Variants in CNTNAP2 observed in about 807,000 individuals in gnomAD.
The protein encoded by CNTNAP2 is contactin-associated protein-like 2.
CNTNAP2 carries 98 observed loss-of-function variants against 155.2 expected under a neutral mutation model. The observed-to-expected ratio is 0.63, with a 90% CI of 0.54 to 0.75. The LOEUF (loss-of-function observed/expected upper bound fraction) is 0.75. Among genes scored for constraint, CNTNAP2 ranks in the 30% least tolerant of loss-of-function variants. The probability of loss-of-function intolerance (pLI) is 0.00; values close to 1 mark genes in which losing one functional copy is unlikely to be tolerated. For synonymous variants in CNTNAP2, 651 were observed against 631.2 expected (o/e 1.03, Z -0.47); for missense variants, 1,727 against 1,688.1 (o/e 1.02, Z -0.40).
intron 9 of CNTNAP2, among the ~76,000 whole-genome samples, chr7:147,347,440 G>T (rs1282745970): frequency 4.6e-5 from 1 of 21,546 alleles, no homozygotes; most frequent in East Asian, 5.5e-4. Flanking sequence ...ATATATATAT[G>T]CATATATATA....
chr7:148,296,420 GC>G (rs1797285299), intron 21 of CNTNAP2, among the ~76,000 whole-genome samples: 1 of 151,462 alleles, frequency 6.6e-6, no homozygotes, highest in South Asian at 2.1e-4. Context: ...AGTGGCATAC[GC>G]CTGTAGTCCC....
intron 15 of CNTNAP2, among the ~76,000 whole-genome samples, chr7:147,996,468 T>G (rs1038518410): frequency 6.6e-6 from 1 of 152,252 alleles, no homozygotes; most frequent in Non-Finnish European, 1.5e-5. Flanking sequence ...GACAGGCCTA[T>G]GCTGAAATTC....
intron 1 of CNTNAP2, among the ~76,000 whole-genome samples, chr7:146,645,705 G>C (rs1223621384): frequency 6.6e-6 from 1 of 152,060 alleles, no homozygotes; most frequent in African/African-American, 2.4e-5. Context: ...ATGGCTTTTA[G>C]TGTATCCACA....
At chr7:147,016,032 A>C (rs954440052) in intron 3 of CNTNAP2, among the ~76,000 whole-genome samples, 1 of 152,076 alleles carries the variant, frequency 6.6e-6, no homozygotes, top group Non-Finnish European at 1.5e-5. Context: ...GTACTTACCT[A>C]ATTTTCATTG....
At position 147,613,607 on chromosome 7, in the gene CNTNAP2, G is replaced by A. The variant is rs533561611; in HGVS notation, c.1898-25499G>A. Among the ~76,000 whole-genome samples the A allele has an allele frequency of 2.6e-5, 4 of 152,226 alleles. No individual in the cohort carries two copies. The East Asian group carries it at 7.7e-4, about 29-fold the overall frequency. On this transcript the variant is annotated intron_variant, in intron 12 of 23. Transcript: ENST00000361727. ...AATCCCAGCACTTTGGGAGGCCGAG[G>A]TGGGCACTTTGGGAATCTGAGGTCA...
At chr7:147,759,257 T>C (rs905633080) in intron 13 of CNTNAP2, among the ~76,000 whole-genome samples, 2 of 152,182 alleles carry the variant, frequency 1.3e-5, no homozygotes, top group African/African-American at 4.8e-5. Context: ...CATTTTAAAT[T>C]CCCTTCATTT....
chr7:147,080,131 AT>A (rs1292949151), intron 4 of CNTNAP2, among the ~76,000 whole-genome samples: 1 of 151,736 alleles, frequency 6.6e-6, no homozygotes, highest in African/African-American at 2.4e-5. Context: ...TCATAACCAG[AT>A]TGCTCCCTGT....
At chr7:147,191,535 T>G (rs527528926) in intron 8 of CNTNAP2, among the ~76,000 whole-genome samples, 10 of 152,168 alleles carry the variant, frequency 6.6e-5, no homozygotes, top group African/African-American at 2.4e-4. Context: ...ACAATTTTAG[T>G]GAAAGGGTAC....
chr7:146,659,036 G>A (rs1800040466), intron 1 of CNTNAP2, among the ~76,000 whole-genome samples: 1 of 152,204 alleles, frequency 6.6e-6, no homozygotes, highest in South Asian at 2.1e-4. Context: ...GCTACTGACC[G>A]TGGGTACTTC....
At chr7:147,760,079 C>T (rs929736339) in intron 13 of CNTNAP2, among the ~76,000 whole-genome samples, 11 of 151,992 alleles carry the variant, frequency 7.2e-5, no homozygotes, top group African/African-American at 2.7e-4. Flanking sequence ...AAGCCCAAAC[C>T]CTTTCCTTCT....
chr7:146,379,613 T>TGTGTTCACTTCCTG (rs1795352839), intron 1 of CNTNAP2, among the ~76,000 whole-genome samples: 1 of 152,170 alleles, frequency 6.6e-6, no homozygotes, highest in Non-Finnish European at 1.5e-5. Context: ...GGGGCTTCCA[T>TGTGTTCACTTCCTG]TGTTCACTCT....
At chr7:147,528,394 CAGG>C (rs1159329792) in intron 11 of CNTNAP2, among the ~76,000 whole-genome samples, 1 of 152,138 alleles carries the variant, frequency 6.6e-6, no homozygotes. Context: ...TCTCATGGCA[CAGG>C]AGGCCAGAGA....
chr7:148,072,955 G>A (rs1175004418), intron 15 of CNTNAP2, among the ~76,000 whole-genome samples: 2 of 152,092 alleles, frequency 1.3e-5, no homozygotes, highest in Admixed American at 6.6e-5. Flanking sequence ...TGATCTGCCC[G>A]CCTCGGCCCC....
At chr7:146,478,983 A>G (rs1457482469) in intron 1 of CNTNAP2, among the ~76,000 whole-genome samples, 2 of 152,190 alleles carry the variant, frequency 1.3e-5, no homozygotes, top group Non-Finnish European at 2.9e-5. Context: ...TACTCAAAAC[A>G]ATACTTTTAA....
chr7:146,504,200 C>T (rs1797348313), intron 1 of CNTNAP2, among the ~76,000 whole-genome samples: 1 of 152,230 alleles, frequency 6.6e-6, no homozygotes, highest in South Asian at 2.1e-4. Flanking sequence ...GACATGCCCA[C>T]AGGGCAGAAA....
At chr7:147,659,018 C>T (rs1019769800) in intron 13 of CNTNAP2, among the ~76,000 whole-genome samples, 1 of 152,138 alleles carries the variant, frequency 6.6e-6, no homozygotes, top group Non-Finnish European at 1.5e-5. Flanking sequence ...TGTAAGACAA[C>T]AGAGATGATT....
At chr7:146,465,484 T>G (rs1796704307) in intron 1 of CNTNAP2, among the ~76,000 whole-genome samples, 1 of 152,072 alleles carries the variant, frequency 6.6e-6, no homozygotes, top group Non-Finnish European at 1.5e-5. Context: ...TTTAGTGAGG[T>G]GTGTAGGGTA....
intron 8 of CNTNAP2, among the ~76,000 whole-genome samples, chr7:147,254,514 AT>A (rs370865767): frequency 1.7e-3 from 252 of 150,292 alleles, no homozygotes; most frequent in Middle Eastern, 3.4e-3. Flanking sequence ...TTTTTGGTTG[AT>A]TTTTTTTTTC....
At position 146,789,304 on chromosome 7, in the gene CNTNAP2, A is replaced by G. The variant is rs76262835; in HGVS notation, c.208+14923A>G. ...AATTTGAATAATATTTGAGTTGGTTATAAAGCATAACTAAAGTTTTCCCAC... is the reference window on the plus strand; with the variant it reads ...AATTTGAATAATATTTGAGTTGGTTGTAAAGCATAACTAAAGTTTTCCCAC... On this transcript the variant is annotated intron_variant, in intron 2 of 23. Transcript: ENST00000361727. Among the ~76,000 whole-genome samples, 1,188 of 152,312 alleles carry G rather than the reference A, an allele frequency of 7.8e-3. 16 individuals carry two copies. Among genetic ancestry groups the G allele is most frequent in the African/African-American group, 0.027 (1,102 of 41,564 alleles).
Sources: gnomAD v4.1 joint callset for allele counts (sites outside exome capture counted in the v4.1 genomes callset) on GRCh38, gnomAD v4.1.1 for gene constraint, MANE v1.5 for transcripts, NCBI Gene and HGNC (gene_info 2026-07-23, HGNC 2026-07-21) for gene names.